Variants in SPRED1 observed in about 807,000 individuals in gnomAD.
SPRED1 encodes the protein sprouty related EVH1 domain containing 1.
In SPRED1, 18 loss-of-function variants were observed where a neutral mutation model predicts 52.3. The ratio of observed to expected loss-of-function variants is 0.34; its 90% CI spans 0.24 to 0.51. The LOEUF is 0.51. SPRED1 is among the 20% of genes least tolerant of loss of function. The pLI is 0.97. For synonymous variants in SPRED1, 155 were observed against 179.7 expected, an observed-to-expected ratio of 0.86 and a Z score of 1.10; for missense variants, 485 against 551.0, an observed-to-expected ratio of 0.88 and a Z score of 1.20.
At chr15:38,339,677 T>G in intron 4 of SPRED1, 60 bp from the exon 5 acceptor site, 1 of 1,539,842 alleles carries the variant, frequency 6.5e-7, no homozygotes, top group Non-Finnish European at 9.0e-7. Flanking sequence ...AAGTATCTTA[T>G]TTTGTGGTGG....
At chr15:38,277,434 T>C (rs950531796) in intron 1 of SPRED1, among the ~76,000 whole-genome samples, 2 of 152,222 alleles carry the variant, frequency 1.3e-5, no homozygotes, top group African/African-American at 4.8e-5. Flanking sequence ...TCCATGTTGC[T>C]GCAGAGGACA....
Position 38,269,481 on chromosome 15 carries a change from A to G in SPRED1, c.32+16264A>G, listed in dbSNP as rs2140955329. Among the ~76,000 whole-genome samples the G allele has an allele frequency of 2.0e-5, 3 of 152,210 alleles. No homozygotes were observed. In the East Asian group the frequency reaches 5.8e-4, roughly 29 times the overall value. ...CGGGCTGGTCTCAACTCCTGAGCTC[A>G]AGTGGTCCTCCCACTTCAGCCTCCC... On this transcript the variant is annotated intron_variant, in intron 1 of 6. Coordinates refer to ENST00000299084, the MANE Select transcript of SPRED1 (RefSeq NM_152594.3).
chr15:38,318,994 A>T (rs1453291472), intron 2 of SPRED1, among the ~76,000 whole-genome samples: 1 of 152,124 alleles, frequency 6.6e-6, no homozygotes, highest in Non-Finnish European at 1.5e-5. Context: ...ATCACATTGA[A>T]ATTTTATTTG....
chr15:38,317,715 AATT>A (rs1161997024), intron 2 of SPRED1, among the ~76,000 whole-genome samples: 1 of 151,826 alleles, frequency 6.6e-6, no homozygotes, highest in Non-Finnish European at 1.5e-5. Context: ...TAGCCCTTAA[AATT>A]ATTTTTGCTT....
intron 1 of SPRED1, among the ~76,000 whole-genome samples, chr15:38,276,938 A>G (rs1167909085): frequency 6.6e-6 from 1 of 152,168 alleles, no homozygotes; most frequent in Admixed American, 6.5e-5. Context: ...CACAAGTAAA[A>G]AGAGGTGGAT....
At chr15:38,337,593 A>G (rs546441925) in intron 4 of SPRED1, among the ~76,000 whole-genome samples, 173 of 152,288 alleles carry the variant, frequency 1.1e-3, no homozygotes, top group African/African-American at 3.9e-3. Flanking sequence ...AACACTTGTG[A>G]TATTTTCTTT....
At chr15:38,261,379 G>A (rs569225222) in intron 1 of SPRED1, among the ~76,000 whole-genome samples, 55 of 152,204 alleles carry the variant, frequency 3.6e-4, no homozygotes, top group African/African-American at 1.3e-3. Context: ...ATTGACTGGT[G>A]GAAATTGCCT....
chr15:38,288,273 C>T (rs1442370112), intron 1 of SPRED1, among the ~76,000 whole-genome samples: 1 of 152,040 alleles, frequency 6.6e-6, no homozygotes, highest in African/African-American at 2.4e-5. Flanking sequence ...TACAACTAAA[C>T]TTTCATAACA....
chr15:38,322,160 A>G lies in SPRED1; in HGVS notation c.208-81A>G. The G allele has an allele frequency of 3.7e-6, 5 of 1,336,424 alleles. No individual in the cohort carries two copies. In the South Asian group the frequency reaches 4.8e-5, roughly 13 times the overall value. The allele number at this position is 1,336,424 out of a possible 1,614,324, so 82.8% of individuals were successfully genotyped here. On this transcript the variant is annotated intron_variant, in intron 2 of 6. Coordinates refer to ENST00000299084, the MANE Select transcript of SPRED1 (RefSeq NM_152594.3). ...ATTCATTAAAAAGTAATAGCGTTGTATCACCTCAGTTTGTATTTATGAGCT... is the reference window on the plus strand; with the variant it reads ...ATTCATTAAAAAGTAATAGCGTTGTGTCACCTCAGTTTGTATTTATGAGCT...
chr15:38,319,460 A>C (rs1895557589), intron 2 of SPRED1, among the ~76,000 whole-genome samples: 1 of 152,104 alleles, frequency 6.6e-6, no homozygotes, highest in Non-Finnish European at 1.5e-5. Flanking sequence ...GCTCACTGCA[A>C]CCTCTGCCTC....
chr15:38,305,590 A>G (rs6495960), intron 2 of SPRED1, among the ~76,000 whole-genome samples: 125,022 of 151,760 alleles, frequency 0.82, 52,303 homozygotes, highest in Non-Finnish European at 0.9. Context: ...AAAAGGGAGT[A>G]TAGGGAAGTT....
chr15:38,322,399 T>A lies in SPRED1; in HGVS notation c.366T>A (p.Asp122Glu), dbSNP rs1196955344. 6.2e-7 allele frequency: 1 copy of A among 1,613,748 alleles called. No homozygotes were observed. The highest frequency in any genetic ancestry group is 1.1e-5 in the South Asian group (1 of 91,078). ...FDRGIRRAIE[D>E]ISQGCPESKN... ...GAGGTATCCGAAGAGCTATAGAGGA[T>A]ATTTCTCAAGGTAGGTATTCTTGAC... is the stretch of plus-strand genomic sequence containing the variant. The change falls in exon 3 of 7, where the codon GAT becomes GAA. Residue 122 changes from aspartate to glutamate, a missense_variant. By Grantham distance (45) the Asp-to-Glu change is conservative. Coordinates refer to ENST00000299084, the MANE Select transcript of SPRED1 (RefSeq NM_152594.3).
intron 1 of SPRED1, among the ~76,000 whole-genome samples, chr15:38,257,242 T>C (rs545762315): frequency 7.9e-4 from 121 of 152,332 alleles, no homozygotes; most frequent in African/African-American, 2.8e-3. Flanking sequence ...TATTTACTTA[T>C]TTCTATGACC....
intron 1 of SPRED1, among the ~76,000 whole-genome samples, chr15:38,267,340 A>G (rs557819065): frequency 7.9e-5 from 12 of 151,960 alleles, no homozygotes; most frequent in African/African-American, 2.2e-4. Flanking sequence ...TACAAATAAC[A>G]TTTTTAAGGA....
intron 2 of SPRED1, among the ~76,000 whole-genome samples, chr15:38,321,833 G>A (rs1036822177): frequency 6.6e-6 from 1 of 152,104 alleles, no homozygotes; most frequent in African/African-American, 2.4e-5. Flanking sequence ...GATTTCAAGT[G>A]ATCCGCCCGC....
chr15:38,330,235 C>G (rs1468652926), intron 4 of SPRED1, among the ~76,000 whole-genome samples: 1 of 152,120 alleles, frequency 6.6e-6, no homozygotes, highest in African/African-American at 2.4e-5. Context: ...TTTTCCTTTA[C>G]CACTATTGCC....
rs551528743 is a variant in SPRED1, at chr15:38,352,889, C to T, written c.*1225C>T. On this transcript the variant is annotated 3_prime_UTR_variant, in exon 7 of 7. Transcript: ENST00000299084. ...AAACTATCCCAGGAAAGTATTTAAT[C>T]CAACATTGTAAATGAAGTATCTTGT... 3 of 152,136 alleles carry T rather than the reference C, an allele frequency of 2.0e-5. No homozygotes were observed. The highest frequency in any genetic ancestry group is 2.0e-4 in the Admixed American group (3 of 15,302). The allele number at this position is 152,136 out of a possible 1,614,324, so 9.4% of individuals were successfully genotyped here. A position where few individuals can be genotyped will look rare whatever the true frequency, so the allele number is the denominator to read the frequency against.
At chr15:38,315,918 A>G (rs1895469898) in intron 2 of SPRED1, among the ~76,000 whole-genome samples, 1 of 152,012 alleles carries the variant, frequency 6.6e-6, no homozygotes, top group Non-Finnish European at 1.5e-5. Context: ...TTATTAGTTC[A>G]TCTAATTCTC....
intron 3 of SPRED1, 37 bp from the exon 4 acceptor site, chr15:38,324,726 A>T (rs778167838): frequency 3.2e-6 from 5 of 1,539,342 alleles, no homozygotes; most frequent in Non-Finnish European, 4.4e-6. Context: ...CTAAGACAAA[A>T]ATTCTATACT....
Sources: allele counts gnomAD v4.1 joint callset (sites outside exome capture counted in the v4.1 genomes callset), GRCh38; gene constraint gnomAD v4.1.1; transcripts MANE v1.5; gene names NCBI Gene and HGNC (gene_info 2026-07-23, HGNC 2026-07-21).